Variants in RPUSD4 observed in about 807,000 individuals in gnomAD.
RPUSD4 encodes RNA pseudouridine synthase D4.
In RPUSD4, 37 loss-of-function variants were observed where a neutral mutation model predicts 35.4. That is an observed-to-expected ratio of 1.04 (90% CI 0.80 to 1.37). The LOEUF (loss-of-function observed/expected upper bound fraction) is 1.37, where lower values mean the gene tolerates loss of function less well. Among genes scored for constraint, RPUSD4 ranks in the 40% most tolerant of loss-of-function variants. The pLI is 0.00. For synonymous variants in RPUSD4, 210 were observed against 192.7 expected (o/e 1.09, Z -0.74); for missense variants, 507 against 484.9 (o/e 1.05, Z -0.43).
chr11:126,204,624 A>C (rs759695390), intron 5 of RPUSD4, among the ~76,000 whole-genome samples: 1 of 152,214 alleles, frequency 6.6e-6, no homozygotes, highest in African/African-American at 2.4e-5. Flanking sequence ...CTTTTTAGTA[A>C]TTTTACTACA....
chr11:126,211,527 A>C lies in RPUSD4; in HGVS notation c.112T>G (p.Ser38Ala). ...SKPFCAAAAA[S>A]TAINAQRLAE... ...AATCTCTGGGCATTTATGGCCGTAG[A>C]GGCAGCGGCAGCGGCACAAAATGGC... Residue 38 changes from serine (S) to alanine (A), a missense_variant, in exon 1 of 7, where the codon TCT becomes GCT. Coordinates refer to ENST00000298317, the MANE Select transcript of RPUSD4 (RefSeq NM_032795.3). 6.2e-7 allele frequency: 1 copy of C among 1,614,198 alleles called. No homozygotes were observed.
rs1348307190 is a variant in RPUSD4, at chr11:126,204,317, G to C, written c.808C>G (p.Gln270Glu). The C allele has an allele frequency of 3.7e-6, 6 of 1,611,578 alleles. No individual in the cohort carries two copies. The highest frequency in any genetic ancestry group is 2.2e-5 in the East Asian group (1 of 44,830). ...ELQPITGIKH[Q>E]LRVHLSFGLD... ...CCAAAAGACAAGTGAACTCGAAGCT[G>C]ATGTTTTATTCCTTAAAAGAGAGAG... Residue 270 changes from glutamine (Q) to glutamate (E), a missense_variant, in exon 6 of 7, where the codon CAG becomes GAG. By Grantham distance (29) the Gln-to-Glu change is conservative. Coordinates refer to ENST00000298317, the MANE Select transcript of RPUSD4 (RefSeq NM_032795.3).
In RPUSD4 at chr11:126,210,885, C is replaced by T. The variant is rs191574200; in HGVS notation, c.355+5G>A. 2 of 1,612,754 alleles carry T rather than the reference C, an allele frequency of 1.2e-6. No individual in the cohort carries two copies. Among genetic ancestry groups the T allele is most frequent in the East Asian group, 4.5e-5 (2 of 44,856 alleles). On this transcript the variant is annotated splice_donor_5th_base_variant and intron_variant, in intron 2 of 6. Coordinates refer to ENST00000298317, the MANE Select transcript of RPUSD4 (RefSeq NM_032795.3). ...GTTCCTCCACCTTTCCCGCGTGGTCCTTACCATGCACAGGGAGACCGTAGG... is the reference window on the plus strand; with the variant it reads ...GTTCCTCCACCTTTCCCGCGTGGTCTTTACCATGCACAGGGAGACCGTAGG...
chr11:126,210,353 T>C (rs1398745061), intron 2 of RPUSD4, among the ~76,000 whole-genome samples: 1 of 152,238 alleles, frequency 6.6e-6, no homozygotes, highest in Admixed American at 6.5e-5. Context: ...TTCTTCTAGC[T>C]AAAATGGGCC....
At position 126,209,769 on chromosome 11, in the gene RPUSD4, G is replaced by A. The variant is rs773946717; in HGVS notation, c.356-47C>T. 1.8e-5 allele frequency: 27 copies of A among 1,504,524 alleles called. No individual in the cohort carries two copies. In the East Asian group the frequency reaches 2.5e-4, roughly 14 times the overall value. 93.2% of individuals were successfully genotyped at this position (1,504,524 alleles called of 1,614,324 possible). ...GTTTGAGCGGCCAGGAAAAGATCTCGCCAAAGAACTCTCCTTGGGAGAAAA... is the reference window on the plus strand; with the variant it reads ...GTTTGAGCGGCCAGGAAAAGATCTCACCAAAGAACTCTCCTTGGGAGAAAA... On this transcript the variant is annotated intron_variant, in intron 2 of 6. Transcript: ENST00000298317.
intron 3 of RPUSD4, chr11:126,206,553 T>G (rs942855734): frequency 6.6e-6 from 1 of 152,102 alleles, no homozygotes; most frequent in Non-Finnish European, 1.5e-5. Flanking sequence ...CAAGACTCCG[T>G]CTAAAAAAAG....
chr11:126,203,977 C>T (rs191407013), intron 6 of RPUSD4, among the ~76,000 whole-genome samples: 124 of 152,276 alleles, frequency 8.1e-4, no homozygotes, highest in Admixed American at 3.1e-3. Context: ...AGAAACACCC[C>T]TCCCCTTGTC....
rs1949762256 is a variant in RPUSD4, at chr11:126,205,497, G to A, written c.767C>T (p.Ser256Phe). The change falls in exon 5 of 7, where the codon TCC (serine) becomes TTC (phenylalanine). Residue 256 changes from serine (S) to phenylalanine (F), a missense_variant. Ser to Phe is a radical substitution (Grantham distance 155, BLOSUM62 -2). Transcript: ENST00000298317. ...GATGGGCTGGAGCTCCACGAGGGCG[G>A]AGGAGAGAGTGCTGCTGAGCACCTG... is the stretch of plus-strand genomic sequence containing the variant. ...QYQVLSSTLS[S>F]ALVELQPITG... is the part of the protein sequence containing the mutation. 2 of 1,614,278 alleles carry A rather than the reference G, an allele frequency of 1.2e-6. No homozygotes were observed. Among genetic ancestry groups the A allele is most frequent in the Non-Finnish European group, 8.5e-7 (1 of 1,180,052 alleles).
At chr11:126,207,767 G>A (rs1168398618) in intron 3 of RPUSD4, among the ~76,000 whole-genome samples, 1 of 152,026 alleles carries the variant, frequency 6.6e-6, no homozygotes, top group South Asian at 2.1e-4. Context: ...ACTTGAACCA[G>A]GGAGGAGGTT....
At chr11:126,210,551 C>CACA (rs369874015) in intron 2 of RPUSD4, among the ~76,000 whole-genome samples, 26,495 of 145,342 alleles carry the variant, frequency 0.18, 2,917 homozygotes, top group East Asian at 0.55. Flanking sequence ...ACACACACAC[C>CACA]CCCTTTTTTC....
intron 3 of RPUSD4, 99 bp downstream of exon 3, chr11:126,209,422 G>T: frequency 1.0e-6 from 1 of 994,204 alleles, no homozygotes; most frequent in Non-Finnish European, 1.5e-6. Context: ...TCATAGTGCA[G>T]TGCCTTCTAT....
At position 126,203,488 on chromosome 11, in the gene RPUSD4, C is replaced by T. The variant is rs748096351; in HGVS notation, c.1064G>A (p.Arg355His). 24 of 1,614,026 alleles carry T rather than the reference C, an allele frequency of 1.5e-5. No homozygotes were observed. In the Admixed American group the frequency reaches 2.3e-4, roughly 16 times the overall value. The change falls in exon 7 of 7, where the codon CGC becomes CAC. Residue 355 changes from arginine to histidine, a missense_variant. Coordinates refer to ENST00000298317, the MANE Select transcript of RPUSD4 (RefSeq NM_032795.3). ...CTCATTTGGCATCTCTAAACGCAGG[C>T]GGTGCAGGGAATGCACAAAGAAGCG... ...LPRFFVHSLH[R>H]LRLEMPNEDQ...
At chr11:126,205,409 G>A in intron 5 of RPUSD4, 59 bp downstream of exon 5, 1 of 1,604,920 alleles carries the variant, frequency 6.2e-7, no homozygotes, top group African/African-American at 1.3e-5. Flanking sequence ...ACGAGGCCCT[G>A]GACAAAACCT....
chr11:126,210,520 T>TACATACATACACACACACACACAC (rs746246254), intron 2 of RPUSD4, among the ~76,000 whole-genome samples: 1,445 of 60,098 alleles, frequency 0.024, 9 homozygotes, highest in Non-Finnish European at 0.03. Context: ...CCAACATACA[T>TACATACATACACACACACACACAC]ACACACACAC....
chr11:126,204,278 T>A lies in RPUSD4; in HGVS notation c.847A>T (p.Ile283Phe). Residue 283 changes from isoleucine to phenylalanine, a missense_variant, in exon 6 of 7, where the codon ATC (isoleucine) becomes TTC (phenylalanine). Coordinates refer to ENST00000298317, the MANE Select transcript of RPUSD4 (RefSeq NM_032795.3). Reference protein sequence around the residue: ...VHLSFGLDCPILGDHKYSDWN... With the variant: ...VHLSFGLDCPFLGDHKYSDWN... Reference sequence around the variant, plus strand: ...TCTGAGTACTTGTGATCACCAAGGATTGGACAATCCAATCCAAAAGACAAG... The same window carrying A: ...TCTGAGTACTTGTGATCACCAAGGAATGGACAATCCAATCCAAAAGACAAG... The A allele has an allele frequency of 6.2e-7, 1 of 1,613,742 alleles. No individual in the cohort carries two copies. The highest frequency in any genetic ancestry group is 8.5e-7 in the Non-Finnish European group (1 of 1,179,940).
chr11:126,209,618 T>G lies in RPUSD4; in HGVS notation c.460A>C (p.Lys154Gln). 1 of 1,614,256 alleles carries G rather than the reference T, an allele frequency of 6.2e-7. No homozygotes were observed. Among genetic ancestry groups the G allele is most frequent in the Non-Finnish European group, 8.5e-7 (1 of 1,180,050 alleles). ...AACACCATTACACCTGTGGTTTCCT[T>G]GTCCAGCCGGTGGCACAGATGCAAG... ...EPLHLCHRLD[K>Q]ETTGVMVLAW... is the part of the protein sequence containing the mutation. Residue 154 changes from lysine to glutamine, a missense_variant, in exon 3 of 7, where the codon AAG becomes CAG. Transcript: ENST00000298317.
rs765922654 is a variant in RPUSD4 at position 126,209,649 on chromosome 11, T to C, written c.429A>G (p.Ala143=). The part of the protein sequence containing the change: ...ILAKMLHGHK[A]EPLHLCHRLD... ...GCCGGTGGCACAGATGCAAGGGCTC[T>C]GCCTTGTGGCCATGAAGCATCTTTG... The change falls in exon 3 of 7, where the codon GCA becomes GCG. Residue 143 remains alanine (A), a synonymous_variant. Transcript: ENST00000298317. 3 of 1,614,130 alleles carry C rather than the reference T, an allele frequency of 1.9e-6. No homozygotes were observed. The Admixed American group carries it at 5.0e-5, about 27-fold the overall frequency.
chr11:126,210,226 G>A (rs1279866255), intron 2 of RPUSD4, among the ~76,000 whole-genome samples: 3 of 152,038 alleles, frequency 2.0e-5, no homozygotes, highest in Non-Finnish European at 4.4e-5. Flanking sequence ...GGAATGGAAA[G>A]GCAAAAAACT....
chr11:126,202,355 T>C lies in RPUSD4; in HGVS notation c.*1063A>G, dbSNP rs547906180. The C allele has an allele frequency of 3.3e-5, 5 of 152,358 alleles. No homozygotes were observed. The South Asian group carries it at 1.0e-3, about 32-fold the overall frequency. The allele number at this position is 152,358 out of a possible 1,614,324, so 9.4% of individuals were successfully genotyped here. On this transcript the variant is annotated 3_prime_UTR_variant, in exon 7 of 7. Coordinates refer to ENST00000298317, the MANE Select transcript of RPUSD4 (RefSeq NM_032795.3). ...TCATTTCCATCTATCCCTAATGGTG[T>C]TCAGTATAGCCCTCTCCTTCCTGAG... is the stretch of plus-strand genomic sequence containing the variant.
Sources: allele counts gnomAD v4.1 joint callset (sites outside exome capture counted in the v4.1 genomes callset), GRCh38; gene constraint gnomAD v4.1.1; transcripts MANE v1.5; gene names NCBI Gene and HGNC (gene_info 2026-07-23, HGNC 2026-07-21).